Variants in MORC1 observed in about 807,000 individuals in gnomAD.
MORC1 encodes the protein MORC family CW-type zinc finger 1.
In MORC1, 59 loss-of-function variants were observed where a neutral mutation model predicts 134.9. That is an observed-to-expected ratio of 0.44 (90% CI 0.35 to 0.54). MORC1 has a LOEUF of 0.54. Among genes scored for constraint, MORC1 ranks in the 20% least tolerant of loss-of-function variants. The pLI is 0.00. For synonymous variants in MORC1, 395 were observed against 391.7 expected (o/e 1.01, Z -0.10); for missense variants, 947 against 1,134.5 (o/e 0.83, Z 2.37).
In MORC1 at chr3:109,000,677, A is replaced by G. The variant is rs1948380682; in HGVS notation, c.2086-19T>C. 3 of 1,540,414 alleles carry G rather than the reference A, an allele frequency of 1.9e-6. No individual in the cohort carries two copies. Among genetic ancestry groups the G allele is most frequent in the African/African-American group, 1.4e-5 (1 of 73,036 alleles). On this transcript the variant is annotated intron_variant, in intron 20 of 27. Transcript: ENST00000232603. Reference sequence around the variant, plus strand: ...AAGCGGCCTATAACAAGGAATTAACAAAAAAAATACAAGGATTAGTGGCAA... The same window carrying G: ...AAGCGGCCTATAACAAGGAATTAACGAAAAAAATACAAGGATTAGTGGCAA...
At chr3:109,071,591 G>A (rs1161946369) in intron 8 of MORC1, among the ~76,000 whole-genome samples, 1 of 152,156 alleles carries the variant, frequency 6.6e-6, no homozygotes, top group African/African-American at 2.4e-5. Flanking sequence ...GGTGGAGTCT[G>A]GAGGAATCTG....
chr3:109,089,139 A>C (rs1950670825), intron 8 of MORC1, among the ~76,000 whole-genome samples: 1 of 152,132 alleles, frequency 6.6e-6, no homozygotes, highest in African/African-American at 2.4e-5. Context: ...GTGATGAAAT[A>C]ATCTGTAAAA....
chr3:109,093,232 T>C (rs1490686166), intron 8 of MORC1, among the ~76,000 whole-genome samples: 1 of 152,154 alleles, frequency 6.6e-6, no homozygotes, highest in Non-Finnish European at 1.5e-5. Context: ...CCCCAGACCC[T>C]GTACTTCTCA....
intron 17 of MORC1, among the ~76,000 whole-genome samples, chr3:109,017,225 T>C (rs920708196): frequency 3.9e-5 from 6 of 152,218 alleles, no homozygotes; most frequent in Non-Finnish European, 7.3e-5. Context: ...TAGATCATAA[T>C]AGATATAAAG....
intron 4 of MORC1, chr3:109,101,567 A>G (rs1950925557): frequency 6.6e-6 from 1 of 152,116 alleles, no homozygotes; most frequent in African/African-American, 2.4e-5. Context: ...GAGGTGTGTA[A>G]AAGCCACCAA....
intron 16 of MORC1, among the ~76,000 whole-genome samples, chr3:109,028,211 G>A (rs1192409831): frequency 2.0e-5 from 3 of 151,004 alleles, no homozygotes; most frequent in Non-Finnish European, 4.4e-5. Flanking sequence ...TTAGATCACT[G>A]AGCTTATCTC....
chr3:109,092,691 T>G (rs2107761349), intron 8 of MORC1, among the ~76,000 whole-genome samples: 1 of 152,360 alleles, frequency 6.6e-6, no homozygotes, highest in Non-Finnish European at 1.5e-5. Context: ...TTTACTTTTC[T>G]TAACATGGCT....
At chr3:108,965,635 A>G (rs1487954214) in intron 26 of MORC1, among the ~76,000 whole-genome samples, 1 of 152,220 alleles carries the variant, frequency 6.6e-6, no homozygotes, top group Non-Finnish European at 1.5e-5. Context: ...ACTTCCATGT[A>G]TGATAAAATG....
intron 26 of MORC1, among the ~76,000 whole-genome samples, chr3:108,967,016 C>T (rs3792355): frequency 0.15 from 23,358 of 152,174 alleles, 1,965 homozygotes; most frequent in Middle Eastern, 0.26. Flanking sequence ...AAGTTTCTCC[C>T]GTGCTTTGAT....
At chr3:109,103,511 C>T (rs1950967791) in intron 4 of MORC1, among the ~76,000 whole-genome samples, 2 of 152,136 alleles carry the variant, frequency 1.3e-5, no homozygotes, top group Admixed American at 1.3e-4. Flanking sequence ...ACAAGCAATA[C>T]CTAAAGGATG....
In MORC1 at chr3:109,070,143, C is replaced by T. The variant is rs114105761; in HGVS notation, c.690-386G>A. Among the ~76,000 whole-genome samples, 782 of 152,228 alleles carry T rather than the reference C, an allele frequency of 5.1e-3. 18 individuals are homozygous for T. The highest frequency in any genetic ancestry group is 0.018 in the African/African-American group (749 of 41,556). ...ACATAACAAAAAGAATCTAGGCTCA[C>T]ATGAATAAAAAGCATTCCCATTAAG... On this transcript the variant is annotated intron_variant, in intron 8 of 27. Transcript: ENST00000232603.
intron 13 of MORC1, among the ~76,000 whole-genome samples, chr3:109,056,682 T>G (rs1372976025): frequency 6.6e-6 from 1 of 152,238 alleles, no homozygotes; most frequent in Non-Finnish European, 1.5e-5. Flanking sequence ...AATGCTGCAC[T>G]ATAGGTGCTT....
chr3:109,036,424 G>A (rs925087618), intron 14 of MORC1, among the ~76,000 whole-genome samples: 12 of 152,090 alleles, frequency 7.9e-5, no homozygotes, highest in African/African-American at 2.9e-4. Context: ...CAGAAAGAGA[G>A]GTGGAGAGGA....
At chr3:109,095,520 T>C (rs1433599083) in intron 6 of MORC1, among the ~76,000 whole-genome samples, 1 of 152,086 alleles carries the variant, frequency 6.6e-6, no homozygotes. Context: ...GAACTATAAG[T>C]AGCATTTAGA....
intron 17 of MORC1, among the ~76,000 whole-genome samples, chr3:109,024,676 G>C (rs1949033760): frequency 1.3e-5 from 2 of 152,192 alleles, no homozygotes; most frequent in South Asian, 4.1e-4. Context: ...GAGTGGGATG[G>C]AGGAAGAGAA....
intron 17 of MORC1, 54 bp from the exon 18 acceptor site, chr3:109,007,145 T>C: frequency 7.5e-7 from 1 of 1,332,504 alleles, no homozygotes; most frequent in Non-Finnish European, 1.1e-6. Flanking sequence ...AAGCTTCAAC[T>C]GGCATAGGGT....
At chr3:109,071,710 T>C (rs920046432) in intron 8 of MORC1, among the ~76,000 whole-genome samples, 25 of 152,318 alleles carry the variant, frequency 1.6e-4, no homozygotes, top group Middle Eastern at 6.8e-3. Flanking sequence ...CCATCTAGGA[T>C]AGCTTATTAG....
chr3:108,968,722 A>C (rs1947284647), intron 26 of MORC1, among the ~76,000 whole-genome samples: 1 of 151,624 alleles, frequency 6.6e-6, no homozygotes, highest in South Asian at 2.1e-4. Context: ...ATGGCTGTAA[A>C]CATAAGCATA....
intron 9 of MORC1, among the ~76,000 whole-genome samples, chr3:109,066,471 G>A (rs1200847987): frequency 6.6e-6 from 1 of 152,112 alleles, no homozygotes; most frequent in Non-Finnish European, 1.5e-5. Context: ...ATTTTTAGTA[G>A]AGATGGGGTT....
Sources: allele counts gnomAD v4.1 joint callset (sites outside exome capture counted in the v4.1 genomes callset), GRCh38; gene constraint gnomAD v4.1.1; transcripts MANE v1.5; gene names NCBI Gene and HGNC (gene_info 2026-07-23, HGNC 2026-07-21).